TTC29: variants seen among roughly 807,000 people sequenced by gnomAD.
TTC29 encodes the protein tetratricopeptide repeat domain 29.
In TTC29, 49 loss-of-function variants were observed where a neutral mutation model predicts 58.1. The observed-to-expected ratio is 0.84, with a 90% CI of 0.67 to 1.07. TTC29 has a LOEUF of 1.07. TTC29 is among the 50% of genes least tolerant of loss of function. TTC29 has a pLI of 0.00. For missense variants in TTC29, 582 were observed against 555.6 expected (o/e 1.05, Z -0.48); for synonymous variants, 209 against 196.8 (o/e 1.06, Z -0.52).
chr4:146,847,564 G>A (rs1188066220), intron 8 of TTC29, among the ~76,000 whole-genome samples: 1 of 152,224 alleles, frequency 6.6e-6, no homozygotes, highest in Non-Finnish European at 1.5e-5. Flanking sequence ...GGCAGAGACA[G>A]GGAGGACTAT....
chr4:146,876,934 C>CAAAA (rs776037799), intron 6 of TTC29, among the ~76,000 whole-genome samples: 2 of 59,158 alleles, frequency 3.4e-5, no homozygotes, highest in East Asian at 4.5e-4. Flanking sequence ...GACTCCATCT[C>CAAAA]AAAAAAAAAA....
At chr4:146,786,091 T>C in intron 11 of TTC29, among the ~76,000 whole-genome samples, 1 of 152,146 alleles carries the variant, frequency 6.6e-6, no homozygotes, top group South Asian at 2.1e-4. Context: ...CTAAGAGGCT[T>C]GATACTAGTA....
chr4:146,805,742 G>C (rs1221496945), intron 10 of TTC29, among the ~76,000 whole-genome samples: 1 of 151,882 alleles, frequency 6.6e-6, no homozygotes, highest in African/African-American at 2.4e-5. Context: ...CTATGTGAAA[G>C]GACCAAATCT....
At position 146,910,933 on chromosome 4, in the gene TTC29, G is replaced by C. The variant is rs180934081; in HGVS notation, c.177-1684C>G. Among the ~76,000 whole-genome samples, 28 of 152,318 alleles carry C rather than the reference G, an allele frequency of 1.8e-4. 1 individual carries two copies. The highest frequency in any genetic ancestry group is 3.2e-4 in the Non-Finnish European group (22 of 68,024). On this transcript the variant is annotated intron_variant, in intron 4 of 12. Coordinates refer to ENST00000325106, the MANE Select transcript of TTC29 (RefSeq NM_031956.4). ...TATGGAGAAAGGCAGTGAGATGCTTGGAGGGCCATGTTCTCTTTCTCTTTC... is the reference window on the plus strand; with the variant it reads ...TATGGAGAAAGGCAGTGAGATGCTTCGAGGGCCATGTTCTCTTTCTCTTTC...
intron 9 of TTC29, among the ~76,000 whole-genome samples, chr4:146,821,343 G>T (rs1212354573): frequency 6.6e-6 from 1 of 152,168 alleles, no homozygotes; most frequent in African/African-American, 2.4e-5. Flanking sequence ...AATTTTTAAA[G>T]TGAGGACTCT....
intron 11 of TTC29, among the ~76,000 whole-genome samples, chr4:146,708,340 A>ATATACATGTGTG (rs1561046974): frequency 2.5e-5 from 1 of 40,450 alleles, no homozygotes; most frequent in African/African-American, 6.4e-5. Flanking sequence ...ATATATATAT[A>ATATACATGTGTG]TATATATATA....
chr4:146,889,012 G>C (rs1449870379), intron 6 of TTC29, among the ~76,000 whole-genome samples: 1 of 152,150 alleles, frequency 6.6e-6, no homozygotes, highest in East Asian at 1.9e-4. Context: ...TGCTACACTT[G>C]AGTGATGCTC....
chr4:146,797,595 T>C (rs1017652943), intron 11 of TTC29, among the ~76,000 whole-genome samples: 1 of 151,160 alleles, frequency 6.6e-6, no homozygotes, highest in African/African-American at 2.5e-5. Flanking sequence ...TTTACAAAGA[T>C]CTTTCTGGTT....
At position 146,939,860 on chromosome 4, in the gene TTC29, C is replaced by T. The variant is rs199903002; in HGVS notation, c.36G>A (p.Pro12=). The part of the protein sequence containing the change: ...TTLPPLPMTR[P]KLTALARQKL... ...TCTGTCTGGCTAAGGCTGTAAGCTT[C>T]GGGCGTGTCATGGGCAGTGGGGGCA... The change falls in exon 3 of 13, where the codon CCG becomes CCA. Residue 12 remains proline, a synonymous_variant. Transcript: ENST00000325106. 15 of 1,612,990 alleles carry T rather than the reference C, an allele frequency of 9.3e-6. No homozygotes were observed. Among genetic ancestry groups the T allele is most frequent in the Non-Finnish European group, 1.2e-5 (14 of 1,179,592 alleles).
chr4:146,928,276 A>T (rs1231016409), intron 4 of TTC29, among the ~76,000 whole-genome samples: 2 of 152,144 alleles, frequency 1.3e-5, no homozygotes, highest in African/African-American at 4.8e-5. Context: ...TCTACTTATT[A>T]TGTGTGTGTC....
intron 11 of TTC29, among the ~76,000 whole-genome samples, chr4:146,783,036 T>C (rs953075725): frequency 2.0e-5 from 3 of 152,016 alleles, no homozygotes; most frequent in African/African-American, 7.2e-5. Context: ...GATATAAAAA[T>C]TCAACATACC....
At chr4:146,916,005 C>A (rs752005900) in intron 4 of TTC29, among the ~76,000 whole-genome samples, 2 of 151,784 alleles carry the variant, frequency 1.3e-5, no homozygotes, top group Non-Finnish European at 2.9e-5. Context: ...ATCCATGTGT[C>A]AGTTATAACA....
chr4:146,818,202 T>A (rs1194720713), intron 10 of TTC29, among the ~76,000 whole-genome samples: 1 of 152,064 alleles, frequency 6.6e-6, no homozygotes, highest in East Asian at 1.9e-4. Context: ...AGGGCTAATA[T>A]CCAGAATCTA....
chr4:146,801,818 T>C (rs1418165525), intron 11 of TTC29, among the ~76,000 whole-genome samples: 1 of 150,674 alleles, frequency 6.6e-6, no homozygotes, highest in Admixed American at 6.6e-5. Context: ...CTACTAAAAA[T>C]ACAAAAAAAA....
At chr4:146,827,077 A>T (rs1579771625) in intron 9 of TTC29, among the ~76,000 whole-genome samples, 1 of 151,774 alleles carries the variant, frequency 6.6e-6, no homozygotes, top group Non-Finnish European at 1.5e-5. Flanking sequence ...GTTTTTTATT[A>T]CCTATCTTCT....
intron 10 of TTC29, among the ~76,000 whole-genome samples, chr4:146,808,434 G>T (rs1275102859): frequency 1.3e-5 from 2 of 152,180 alleles, no homozygotes; most frequent in Admixed American, 6.5e-5. Context: ...TGAATAGGAA[G>T]AGAGGAAGTC....
rs1170295865 is a variant in TTC29, at chr4:146,815,177, G to A, written c.1101+4948C>T. 2.0e-5 allele frequency among the ~76,000 whole-genome samples: 3 copies of A among 152,102 alleles called. 1 individual carries two copies. Among genetic ancestry groups the A allele is most frequent in the East Asian group, 3.8e-4 (2 of 5,198 alleles). On this transcript the variant is annotated intron_variant, in intron 10 of 12. Coordinates refer to ENST00000325106, the MANE Select transcript of TTC29 (RefSeq NM_031956.4). The stretch of plus-strand genomic sequence containing the variant: ...GTGGGAGGGAAGAGAGTGCATGCAG[G>A]AAGCTGAGTTTAGGGCTTACTGCAG...
At chr4:146,916,061 C>T (rs1011304632) in intron 4 of TTC29, among the ~76,000 whole-genome samples, 16 of 151,732 alleles carry the variant, frequency 1.1e-4, no homozygotes, top group Admixed American at 6.6e-4. Flanking sequence ...GAATCACCTA[C>T]GGGATAATTA....
At chr4:146,820,035 C>A in intron 10 of TTC29, 90 bp downstream of exon 10, 1 of 1,529,770 alleles carries the variant, frequency 6.5e-7, no homozygotes, top group African/African-American at 1.4e-5. Context: ...TGTGGGAAGA[C>A]AAGGATGACA....
Sources: allele counts gnomAD v4.1 joint callset (sites outside exome capture counted in the v4.1 genomes callset), GRCh38; gene constraint gnomAD v4.1.1; transcripts MANE v1.5; gene names NCBI Gene and HGNC (gene_info 2026-07-23, HGNC 2026-07-21).